Variants in NAV2 observed in about 807,000 individuals in gnomAD.
NAV2 encodes the protein neuron navigator 2, also known as helicase, APC down-regulated 1.
A neutral mutation model predicts 223.2 loss-of-function variants in NAV2; 54 were observed. The ratio of observed to expected loss-of-function variants is 0.24; its 90% CI spans 0.19 to 0.30. The LOEUF (loss-of-function observed/expected upper bound fraction) is 0.30, where lower values mean the gene tolerates loss of function less well. NAV2 is among the 10% of genes least tolerant of loss of function. The probability of loss-of-function intolerance (pLI) is 1.00; values close to 1 mark genes in which losing one functional copy is unlikely to be tolerated. For synonymous variants in NAV2, 1,279 were observed against 1,239.3 expected, an observed-to-expected ratio of 1.03 and a Z score of -0.67; for missense variants, 2,806 against 3,147.5, an observed-to-expected ratio of 0.89 and a Z score of 2.60.
chr11:19,887,803 G>C (rs999527368), intron 5 of NAV2, among the ~76,000 whole-genome samples: 1 of 152,044 alleles, frequency 6.6e-6, no homozygotes, highest in Non-Finnish European at 1.5e-5. Context: ...GAGAGATTTA[G>C]TATGTAATCA....
chr11:19,450,468 A>C (rs946875313), intron 1 of NAV2, among the ~76,000 whole-genome samples: 6 of 152,342 alleles, frequency 3.9e-5, no homozygotes, highest in African/African-American at 1.4e-4. Flanking sequence ...CACTGGTGCT[A>C]AGCCCTGAAG....
intron 1 of NAV2, among the ~76,000 whole-genome samples, chr11:19,494,229 A>G (rs2042723114): frequency 6.6e-6 from 1 of 152,250 alleles, no homozygotes. Context: ...TGGGTGGAGA[A>G]AACACTGGCT....
Position 19,880,039 on chromosome 11 carries a change from C to T in NAV2, c.682C>T (p.Gln228Ter). Residue 228 changes from glutamine (Q) to a stop codon, truncating the protein, a stop_gained, in exon 5 of 38, where the codon CAG becomes TAG. Transcript: ENST00000349880. LOFTEE classifies it high-confidence loss of function. The stretch of plus-strand genomic sequence containing the variant: ...GTGCCAGGCTGGCACCCCTCAGCAG[C>T]AGGTGCCAGTCACTCCCCAAGCCCC... ...SQCQAGTPQQ[Q>*]VPVTPQAPCQ... is the part of the protein sequence containing the mutation. The T allele has an allele frequency of 6.2e-7, 1 of 1,613,700 alleles. No individual in the cohort carries two copies. Among genetic ancestry groups the T allele is most frequent in the Non-Finnish European group, 8.5e-7 (1 of 1,179,802 alleles).
At chr11:19,693,447 T>C (rs1347404010) in intron 1 of NAV2, among the ~76,000 whole-genome samples, 1 of 152,196 alleles carries the variant, frequency 6.6e-6, no homozygotes, top group Non-Finnish European at 1.5e-5. Flanking sequence ...AAATGTACCA[T>C]AAATATACCA....
In NAV2 at chr11:19,880,005, C is replaced by T; in HGVS notation, c.648C>T (p.Ala216=). The T allele has an allele frequency of 6.2e-7, 1 of 1,613,834 alleles. No individual in the cohort carries two copies. The highest frequency in any genetic ancestry group is 8.5e-7 in the Non-Finnish European group (1 of 1,179,874). Residue 216 remains alanine, a synonymous_variant, in exon 5 of 38, where the codon GCC becomes GCT. Coordinates refer to ENST00000349880, the MANE Select transcript of NAV2 (RefSeq NM_145117.5). ...CCGCCGTATCCCAGGTGGCCGGGGC[C>T]CCCTCCCAGTGCCAGGCTGGCACCC... ...LPPAVSQVAG[A]PSQCQAGTPQ...
At chr11:19,865,935 T>G (rs1465846852) in intron 3 of NAV2, among the ~76,000 whole-genome samples, 1 of 152,236 alleles carries the variant, frequency 6.6e-6, no homozygotes, top group Non-Finnish European at 1.5e-5. Context: ...AGAAGGATTA[T>G]CTAAATTCAG....
In NAV2 at chr11:19,732,118, T is replaced by A. The variant is rs530457216; in HGVS notation, c.267+18156T>A. ...AAATACAAAAATTAACCAGGCATGG[T>A]GGCGCGCACTTGTAGTCAGTCTCCC... On this transcript the variant is annotated intron_variant, in intron 1 of 37. Transcript: ENST00000349880. Among the ~76,000 whole-genome samples the A allele has an allele frequency of 2.0e-5, 3 of 152,154 alleles. No individual in the cohort carries two copies. The South Asian group carries it at 6.2e-4, about 32-fold the overall frequency.
chr11:19,940,683 G>T (rs890879324), intron 8 of NAV2, among the ~76,000 whole-genome samples: 14 of 152,312 alleles, frequency 9.2e-5, no homozygotes, highest in Admixed American at 2.6e-4. Context: ...CATTACAGCT[G>T]TGGAATTGGT....
intron 1 of NAV2, among the ~76,000 whole-genome samples, chr11:19,414,029 A>T (rs1464205400): frequency 6.6e-6 from 1 of 152,264 alleles, no homozygotes; most frequent in Admixed American, 6.5e-5. Flanking sequence ...CAAAATAACC[A>T]GCTAGCATCA....
chr11:19,736,602 C>G (rs1489757610), intron 1 of NAV2, among the ~76,000 whole-genome samples: 1 of 152,216 alleles, frequency 6.6e-6, no homozygotes, highest in Non-Finnish European at 1.5e-5. Flanking sequence ...CCACAATGCT[C>G]CTGCACTGAA....
rs1398153606 is a variant in NAV2, at chr11:20,107,400, A to T, written c.6842-264A>T. ...TGCGCATGGGCTTCCATTTTTAAAA[A>T]TCAAGATTAGTGATGCCACAGTGAG... On this transcript the variant is annotated intron_variant, in intron 35 of 37. Transcript: ENST00000349880. 10 of 448,360 alleles carry T rather than the reference A, an allele frequency of 2.2e-5. 1 individual carries two copies. The highest frequency in any genetic ancestry group is 2.8e-5 in the Non-Finnish European group (7 of 249,542). The allele number at this position is 448,360 out of a possible 1,614,324, so 27.8% of individuals were successfully genotyped here. A position where few individuals can be genotyped will look rare whatever the true frequency, so the allele number is the denominator to read the frequency against.
intron 1 of NAV2, among the ~76,000 whole-genome samples, chr11:19,607,920 G>A (rs903385890): frequency 6.6e-6 from 1 of 152,216 alleles, no homozygotes; most frequent in African/African-American, 2.4e-5. Context: ...TAGATCAGGA[G>A]GCTAAATGCA....
rs745806748 is a variant in NAV2 at position 19,486,432 on chromosome 11, CA to C, written c.75+135406del. On this transcript the variant is annotated intron_variant, in intron 1 of 37. Coordinates refer to the NAV2 transcript ENST00000360655. The stretch of plus-strand genomic sequence containing the variant: ...CTTGAACATATTGAACTGTAGTTTC[CA>C]TAATCCCCAAATGTCATGGAGGGAC... 2.0e-5 allele frequency among the ~76,000 whole-genome samples: 3 copies of C among 152,284 alleles called. No individual in the cohort carries two copies. The South Asian group carries it at 6.2e-4, about 32-fold the overall frequency.
intron 1 of NAV2, among the ~76,000 whole-genome samples, chr11:19,769,346 C>T (rs779687380): frequency 1.2e-4 from 18 of 152,198 alleles, no homozygotes; most frequent in East Asian, 5.8e-4. Context: ...CATGGACCTG[C>T]GCAGAAGCCA....
chr11:19,925,952 T>A (rs938388135), intron 6 of NAV2, among the ~76,000 whole-genome samples: 1 of 152,130 alleles, frequency 6.6e-6, no homozygotes, highest in Admixed American at 6.5e-5. Context: ...GTCTTTATGA[T>A]AGTACCACAC....
chr11:19,717,538 A>G (rs1387481987), intron 1 of NAV2, among the ~76,000 whole-genome samples: 1 of 152,248 alleles, frequency 6.6e-6, no homozygotes, highest in African/African-American at 2.4e-5. Context: ...AAGGTCATGC[A>G]GTGGTACCGA....
At chr11:19,805,493 GTA>G (rs1417489533) in intron 1 of NAV2, among the ~76,000 whole-genome samples, 1 of 152,114 alleles carries the variant, frequency 6.6e-6, no homozygotes, top group Non-Finnish European at 1.5e-5. Flanking sequence ...CTTAGTGCCA[GTA>G]TTGATGGTAT....
At chr11:20,101,810 T>A (rs538428752) in intron 32 of NAV2, among the ~76,000 whole-genome samples, 1 of 152,314 alleles carries the variant, frequency 6.6e-6, no homozygotes, top group East Asian at 1.9e-4. Context: ...CCTGACCTGG[T>A]CCCAGCCGAG....
chr11:19,793,223 AAAAAAAG>A (rs1410087237), intron 1 of NAV2, among the ~76,000 whole-genome samples: 10 of 145,860 alleles, frequency 6.9e-5, no homozygotes, highest in Admixed American at 6.2e-4. Flanking sequence ...AAAAAAAAAA[AAAAAAAG>A]AAAGAAAGAA....
Sources: allele counts gnomAD v4.1 joint callset (sites outside exome capture counted in the v4.1 genomes callset), GRCh38; gene constraint gnomAD v4.1.1; transcripts MANE v1.5; gene names NCBI Gene and HGNC (gene_info 2026-07-23, HGNC 2026-07-21).